ZNF256: variants seen among roughly 807,000 people sequenced by gnomAD.
ZNF256 encodes bone marrow zinc finger 3.
Under a neutral mutation model 7.9 loss-of-function variants are expected in ZNF256, and 4 were observed. The observed-to-expected ratio is 0.50, with a 90% CI of 0.25 to 1.15. The LOEUF (loss-of-function observed/expected upper bound fraction) is 1.15. Ranked by LOEUF, ZNF256 falls within the 50% of genes most tolerant of loss-of-function variation. The pLI, the probability that ZNF256 is intolerant of heterozygous loss-of-function variation, is 0.15. For missense variants in ZNF256, 666 were observed against 755.9 expected (o/e 0.88, Z 1.39); for synonymous variants, 260 against 260.4 (o/e 1.00, Z 0.02).
rs1005715873 is a variant in ZNF256 at position 57,947,184 on chromosome 19, C to T, written c.33+258G>A. Reference sequence around the variant, plus strand: ...AGATGGGCTCAAGCCACCCCGTAGCCCCATGCCTGGCCTTGGAGCCGGGTG... The same window carrying T: ...AGATGGGCTCAAGCCACCCCGTAGCTCCATGCCTGGCCTTGGAGCCGGGTG... On this transcript the variant is annotated intron_variant, in intron 1 of 2. Transcript: ENST00000282308. Among the ~76,000 whole-genome samples, 6 of 152,370 alleles carry T rather than the reference C, an allele frequency of 3.9e-5. No individual in the cohort carries two copies. In the East Asian group the frequency reaches 7.7e-4, roughly 20 times the overall value.
intron 1 of ZNF256, among the ~76,000 whole-genome samples, chr19:57,945,228 G>A (rs1351420916): frequency 1.3e-5 from 2 of 152,234 alleles, no homozygotes; most frequent in Non-Finnish European, 2.9e-5. Flanking sequence ...AATACTCATA[G>A]CCTGTGAAAG....
chr19:57,946,538 G>A (rs751703036), intron 1 of ZNF256, among the ~76,000 whole-genome samples: 2 of 151,932 alleles, frequency 1.3e-5, no homozygotes, highest in African/African-American at 4.8e-5. Flanking sequence ...CCACACATCC[G>A]GAATCTAACC....
chr19:57,944,906 T>C (rs1315017483), intron 1 of ZNF256, among the ~76,000 whole-genome samples: 2 of 127,616 alleles, frequency 1.6e-5, no homozygotes, highest in Non-Finnish European at 3.2e-5. Context: ...AGATCAACAG[T>C]TTATTAATTT....
At position 57,942,074 on chromosome 19, in the gene ZNF256, C is replaced by T. The variant is rs2072733536; in HGVS notation, c.734G>A (p.Gly245Glu). ...RERSYMCSECGKSFSTSCSLS... is the reference protein window; with the variant it reads ...RERSYMCSECEKSFSTSCSLS... ...GCTACAGCTTGTGCTAAAAGATTTC[C>T]CACATTCACTGCACATGTAAGATCT... The change falls in exon 3 of 3, where the codon GGG becomes GAG. Residue 245 changes from glycine to glutamate, a missense_variant. Transcript: ENST00000282308. 1.2e-6 allele frequency: 2 copies of T among 1,614,202 alleles called. No individual in the cohort carries two copies. Among genetic ancestry groups the T allele is most frequent in the South Asian group, 2.2e-5 (2 of 91,088 alleles).
intron 1 of ZNF256, among the ~76,000 whole-genome samples, chr19:57,946,258 C>T (rs1264087953): frequency 1.3e-5 from 2 of 152,224 alleles, no homozygotes; most frequent in African/African-American, 4.8e-5. Context: ...TATCTGCACC[C>T]TGAACCACTC....
chr19:57,947,367 C>A, intron 1 of ZNF256, 75 bp downstream of exon 1: 4 of 1,226,260 alleles, frequency 3.3e-6, no homozygotes, highest in Non-Finnish European at 4.1e-6. Context: ...GCAGCAGGGC[C>A]GCGAGCAAGC....
chr19:57,947,034 T>C (rs1234692702), intron 1 of ZNF256, among the ~76,000 whole-genome samples: 2 of 152,116 alleles, frequency 1.3e-5, no homozygotes. Context: ...AACCTGTGGG[T>C]GGGAGTTAGG....
rs746132735 is a variant in ZNF256, at chr19:57,942,667, G to C, written c.161-20C>G. 1 of 1,605,344 alleles carries C rather than the reference G, an allele frequency of 6.2e-7. No homozygotes were observed. Among genetic ancestry groups the C allele is most frequent in the Non-Finnish European group, 8.5e-7 (1 of 1,174,880 alleles). ...AACCACCTGAAAGAAAGAAAATGCT[G>C]GTGAAGAGCATGCTGACTTTAGTGG... is the stretch of plus-strand genomic sequence containing the variant. On this transcript the variant is annotated intron_variant, in intron 2 of 2. Transcript: ENST00000282308.
chr19:57,944,008 C>A lies in ZNF256; in HGVS notation c.86G>T (p.Gly29Val). Residue 29 changes from glycine to valine, a missense_variant, in exon 2 of 3, where the codon GGT becomes GTT. Physicochemically the swap from Gly to Val is moderately radical, Grantham distance 109. Coordinates refer to ENST00000282308, the MANE Select transcript of ZNF256 (RefSeq NM_005773.3). ...VAVYFSWKEW[G>V]LLDEAQKCLY... ...GCATTTCTGAGCCTCATCAAGAAGACCCCACTCCTTCCAGGAGAAGTAAAC... is the reference window on the plus strand; with the variant it reads ...GCATTTCTGAGCCTCATCAAGAAGAACCCACTCCTTCCAGGAGAAGTAAAC... The A allele has an allele frequency of 6.2e-7, 1 of 1,614,082 alleles. No homozygotes were observed. The highest frequency in any genetic ancestry group is 8.5e-7 in the Non-Finnish European group (1 of 1,179,984).
chr19:57,944,161 C>T, intron 1 of ZNF256, 101 bp from the exon 2 acceptor site: 1 of 1,543,100 alleles, frequency 6.5e-7, no homozygotes, highest in Non-Finnish European at 8.8e-7. Flanking sequence ...TCTTTCCAAG[C>T]TCTCCAAGCT....
chr19:57,947,282 C>A (rs1028746680), intron 1 of ZNF256, among the ~76,000 whole-genome samples, 160 bp downstream of exon 1: 2 of 152,216 alleles, frequency 1.3e-5, no homozygotes, highest in Admixed American at 6.5e-5. Context: ...CCTTGCCAGT[C>A]GCGCCCTCCC....
intron 1 of ZNF256, among the ~76,000 whole-genome samples, chr19:57,944,693 A>G (rs1156914886): frequency 6.6e-6 from 1 of 152,102 alleles, no homozygotes; most frequent in Non-Finnish European, 1.5e-5. Flanking sequence ...GCGTGGTGGC[A>G]CACGGCTGTA....
At chr19:57,943,493 AT>A (rs2072744512) in intron 2 of ZNF256, among the ~76,000 whole-genome samples, 1 of 152,172 alleles carries the variant, frequency 6.6e-6, no homozygotes, top group African/African-American at 2.4e-5. Context: ...AGGAAAAAAA[AT>A]AATAATACAA....
In ZNF256 at chr19:57,941,598, C is replaced by T; in HGVS notation, c.1210G>A (p.Glu404Lys). ...LIKHRRLHIG[E>K]GPYECSECGK... is the part of the protein sequence containing the mutation. ...CATTCACTACACTCATAAGGCCCTT[C>T]TCCAATGTGAAGTCTCCGGTGTTTA... The change falls in exon 3 of 3, where the codon GAA (glutamate) becomes AAA (lysine). Residue 404 changes from glutamate to lysine, a missense_variant. Physicochemically the swap from Glu to Lys is moderately conservative, Grantham distance 56. Transcript: ENST00000282308. The T allele has an allele frequency of 6.2e-7, 1 of 1,614,126 alleles. No individual in the cohort carries two copies. Among genetic ancestry groups the T allele is most frequent in the Non-Finnish European group, 8.5e-7 (1 of 1,180,026 alleles).
intron 1 of ZNF256, 26 bp downstream of exon 1, chr19:57,947,416 G>A: frequency 8.0e-7 from 1 of 1,248,564 alleles, no homozygotes; most frequent in Non-Finnish European, 1.0e-6. Flanking sequence ...GGAGGGCGGG[G>A]AAGGCCCAGA....
chr19:57,947,377 C>A (rs1600198953), intron 1 of ZNF256, 65 bp downstream of exon 1: 2 of 1,236,238 alleles, frequency 1.6e-6, no homozygotes, highest in Middle Eastern at 2.6e-4. Context: ...CGCGAGCAAG[C>A]GCCCTCGGGG....
At chr19:57,944,180 C>T in intron 1 of ZNF256, 120 bp from the exon 2 acceptor site, 11 of 1,457,604 alleles carry the variant, frequency 7.5e-6, no homozygotes, top group African/African-American at 1.4e-5. Flanking sequence ...CTCCCCAGCT[C>T]AGAGGAGAAA....
Position 57,941,116 on chromosome 19 carries a change from T to C in ZNF256, c.1692A>G (p.Lys564=), listed in dbSNP as rs529768144. 6.2e-7 allele frequency: 1 copy of C among 1,614,170 alleles called. No individual in the cohort carries two copies. Among genetic ancestry groups the C allele is most frequent in the South Asian group, 1.1e-5 (1 of 91,084 alleles). ...TTTCTCCGGTATGAACTCTTCGGTG[T>C]TTAACGAGGCTAGAGTGGTTACTAA... ...KSFSNHSSLV[K]HRRVHTGERP... The change falls in exon 3 of 3, where the codon AAA becomes AAG. Residue 564 remains lysine, a synonymous_variant. Coordinates refer to ENST00000282308, the MANE Select transcript of ZNF256 (RefSeq NM_005773.3).
chr19:57,940,999 A>C lies in ZNF256; in HGVS notation c.1809T>G (p.Tyr603Ter). The C allele has an allele frequency of 6.2e-7, 1 of 1,614,212 alleles. No homozygotes were observed. The highest frequency in any genetic ancestry group is 8.5e-7 in the Non-Finnish European group (1 of 1,180,044). ...HQRIHSGERP[Y>*]ECSDCGKFFT... ...AAAATTTTCCACAGTCACTACACTC[A>C]TAAGGCCTTTCCCCACTGTGAATTC... is the stretch of plus-strand genomic sequence containing the variant. The change falls in exon 3 of 3, where the codon TAT becomes TAG. Residue 603 changes from tyrosine to a stop codon, truncating the protein, a stop_gained. Transcript: ENST00000282308. LOFTEE classifies it low-confidence loss of function (END_TRUNC).
Sources: allele counts gnomAD v4.1 joint callset (sites outside exome capture counted in the v4.1 genomes callset), GRCh38; gene constraint gnomAD v4.1.1; transcripts MANE v1.5; gene names NCBI Gene and HGNC (gene_info 2026-07-23, HGNC 2026-07-21).